The following GRIK4 variants were observed in gnomAD, a reference collection of about 807,000 sequenced individuals.
The protein encoded by GRIK4 is glutamate receptor ionotropic, kainate 4.
GRIK4 carries 40 observed loss-of-function variants against 104.9 expected under a neutral mutation model. The observed-to-expected ratio is 0.38, with a 90% CI of 0.30 to 0.50. GRIK4 has a LOEUF of 0.50. Ranked by LOEUF, GRIK4 falls within the 20% of genes least tolerant of loss-of-function variation. The pLI is 0.93. For missense variants in GRIK4, 1,047 were observed against 1,308.1 expected (o/e 0.80, Z 3.08); for synonymous variants, 485 against 524.9 (o/e 0.92, Z 1.04).
At chr11:120,587,116 A>G (rs565972998) in intron 1 of GRIK4, among the ~76,000 whole-genome samples, 40 of 152,284 alleles carry the variant, frequency 2.6e-4, no homozygotes, top group African/African-American at 7.2e-4. Flanking sequence ...CTCTGTATGC[A>G]TTACACATGC....
chr11:120,800,207 A>G (rs1952597334), intron 3 of GRIK4, among the ~76,000 whole-genome samples: 2 of 152,102 alleles, frequency 1.3e-5, no homozygotes, highest in Admixed American at 1.3e-4. Context: ...TCTTAGGTGG[A>G]ACCCCAACCC....
At chr11:120,682,516 C>T (rs1357752912) in intron 3 of GRIK4, among the ~76,000 whole-genome samples, 2 of 152,066 alleles carry the variant, frequency 1.3e-5, no homozygotes, top group Admixed American at 1.3e-4. Context: ...TTCTTGAGTG[C>T]ACCAAGAGGC....
chr11:120,747,988 T>C (rs1951475707), intron 3 of GRIK4, among the ~76,000 whole-genome samples: 1 of 152,092 alleles, frequency 6.6e-6, no homozygotes, highest in Non-Finnish European at 1.5e-5. Context: ...AACTAAGTGG[T>C]TTAATTACGC....
chr11:120,622,169 G>A (rs767634869), intron 1 of GRIK4, among the ~76,000 whole-genome samples: 3 of 152,130 alleles, frequency 2.0e-5, no homozygotes, highest in Non-Finnish European at 4.4e-5. Context: ...CCAAAGTGCT[G>A]GGATTACAGG....
intron 1 of GRIK4, among the ~76,000 whole-genome samples, chr11:120,580,196 G>GTTCTTTCTTTAT (rs1948552270): frequency 7.5e-6 from 1 of 133,112 alleles, no homozygotes; most frequent in East Asian, 2.3e-4. Context: ...GAGTACAAGG[G>GTTCTTTCTTTAT]TTCTTTCTTT....
chr11:120,962,362 C>T, intron 17 of GRIK4, 94 bp from the exon 18 acceptor site: 2 of 764,564 alleles, frequency 2.6e-6, no homozygotes, highest in East Asian at 2.7e-5. Flanking sequence ...AGCAGAAGGG[C>T]CGGCATCTTA....
chr11:120,806,522 C>T (rs574372643), intron 4 of GRIK4, among the ~76,000 whole-genome samples: 10 of 152,360 alleles, frequency 6.6e-5, no homozygotes, highest in African/African-American at 2.4e-4. Context: ...CCTAACCCTA[C>T]ACCTGTCACC....
Position 120,831,999 on chromosome 11 carries a change from A to G in GRIK4, c.659A>G (p.Asn220Ser), listed in dbSNP as rs559735500. 2.5e-6 allele frequency: 4 copies of G among 1,613,310 alleles called. No individual in the cohort carries two copies. The highest frequency in any genetic ancestry group is 1.1e-5 in the South Asian group (1 of 90,996). ...ACCGCCACCATCATCATCCACGCCA[A>G]CGCCTCCATGTCCCACACCATCCTC... is the stretch of plus-strand genomic sequence containing the variant. ...DKTATIIIHANASMSHTILLK... is the reference protein window; with the variant it reads ...DKTATIIIHASASMSHTILLK... The change falls in exon 7 of 21, where the codon AAC becomes AGC. Residue 220 changes from asparagine (N) to serine (S), a missense_variant. Transcript: ENST00000527524.
chr11:120,620,313 G>A, intron 1 of GRIK4: 2 of 659,414 alleles, frequency 3.0e-6, no homozygotes, highest in South Asian at 1.7e-5. Context: ...AGGAACTTTA[G>A]TAGTTTCCCA....
At position 120,905,539 on chromosome 11, in the gene GRIK4, G is replaced by GGC; in HGVS notation, c.1476+46_1476+47insGC. ...CTGGGCCTGAGGGTGGGCTGGGAGG[G>GGC]ATTGGAAGAGCATGAGGTTGTGCTG... On this transcript the variant is annotated intron_variant, in intron 13 of 20. Transcript: ENST00000527524. The surrounding 1 kb of genome is among the most constrained non-coding windows in gnomAD (Gnocchi z 5.1). The GGC allele has an allele frequency of 4.0e-6, 2 of 503,048 alleles. No individual in the cohort carries two copies. The highest frequency in any genetic ancestry group is 8.0e-6 in the Non-Finnish European group (2 of 248,896). The allele number at this position is 503,048 out of a possible 1,614,324, so 31.2% of individuals were successfully genotyped here.
At position 120,603,584 on chromosome 11, in the gene GRIK4, G is replaced by A. The variant is rs930969906; in HGVS notation, c.-158-50101G>A. 1.5e-4 allele frequency among the ~76,000 whole-genome samples: 23 copies of A among 152,072 alleles called. 1 individual carries two copies. The highest frequency in any genetic ancestry group is 2.9e-5 in the Non-Finnish European group (2 of 68,028). On this transcript the variant is annotated intron_variant, in intron 1 of 20. Transcript: ENST00000527524. ...CTTTATTTAAATCAGTCTCATTTAC[G>A]CCTCACGACAAGCCTGCCCTGGAAG...
chr11:120,691,494 C>T (rs972091270), intron 3 of GRIK4, among the ~76,000 whole-genome samples: 1 of 152,202 alleles, frequency 6.6e-6, no homozygotes, highest in African/African-American at 2.4e-5. Context: ...ATAACTTTCT[C>T]AAGACCATAT....
chr11:120,598,339 A>G (rs1169165254), intron 1 of GRIK4, among the ~76,000 whole-genome samples: 1 of 152,200 alleles, frequency 6.6e-6, no homozygotes, highest in Non-Finnish European at 1.5e-5. Context: ...GCCCAAGGTC[A>G]TCTGGATAGC....
intron 1 of GRIK4, among the ~76,000 whole-genome samples, chr11:120,552,591 C>G (rs1216739899): frequency 6.6e-6 from 1 of 152,158 alleles, no homozygotes; most frequent in Non-Finnish European, 1.5e-5. Context: ...GTTGAAAATG[C>G]AAGGAGTCAA....
chr11:120,662,049 A>T (rs1453682967), intron 3 of GRIK4, among the ~76,000 whole-genome samples: 1 of 152,150 alleles, frequency 6.6e-6, no homozygotes, highest in African/African-American at 2.4e-5. Flanking sequence ...ATCAATTTCC[A>T]TTTGTCGCTA....
chr11:120,881,543 G>A (rs1232318995), intron 11 of GRIK4, among the ~76,000 whole-genome samples: 1 of 152,194 alleles, frequency 6.6e-6, no homozygotes, highest in African/African-American at 2.4e-5. Context: ...TCTCTGGAAT[G>A]ATTTGAGTTC....
At chr11:120,647,944 G>A (rs4935746) in intron 1 of GRIK4, among the ~76,000 whole-genome samples, 78,836 of 152,086 alleles carry the variant, frequency 0.52, 22,663 homozygotes, top group Non-Finnish European at 0.63. Flanking sequence ...GTATGCTGGC[G>A]CAGTGCCATA....
intron 3 of GRIK4, among the ~76,000 whole-genome samples, chr11:120,668,285 AAG>A (rs1177044795): frequency 9.9e-5 from 15 of 151,028 alleles, no homozygotes; most frequent in Admixed American, 2.0e-4. Context: ...AAAAGAGAGA[AAG>A]AGAGAAAGAA....
intron 3 of GRIK4, among the ~76,000 whole-genome samples, chr11:120,743,318 A>G (rs1361266355): frequency 6.6e-6 from 1 of 152,120 alleles, no homozygotes; most frequent in Non-Finnish European, 1.5e-5. Flanking sequence ...AAACAAATGC[A>G]GGAACAGAAA....
Sources: gnomAD v4.1 joint callset for allele counts (sites outside exome capture counted in the v4.1 genomes callset) on GRCh38, gnomAD v4.1.1 for gene constraint, Gnocchi (gnomAD v3.1) non-coding constraint, MANE v1.5 for transcripts, NCBI Gene and HGNC (gene_info 2026-07-23, HGNC 2026-07-21) for gene names.